The following E2F3 variants were observed in gnomAD, a reference collection of about 807,000 sequenced individuals.
E2F3 encodes E2F transcription factor 3, also known as transcription factor E2F3.
A neutral mutation model predicts 44.4 loss-of-function variants in E2F3; 11 were observed. The observed-to-expected ratio is 0.25, with a 90% CI of 0.16 to 0.41. The LOEUF is 0.41. Ranked by LOEUF, E2F3 falls within the 10% of genes least tolerant of loss-of-function variation. E2F3 has a pLI of 1.00. For missense variants in E2F3, 487 were observed against 583.6 expected (o/e 0.83, Z 1.70); for synonymous variants, 249 against 253.0 (o/e 0.98, Z 0.15).
intron 1 of E2F3, among the ~76,000 whole-genome samples, chr6:20,428,832 C>A (rs1292701676): frequency 5.3e-5 from 8 of 152,120 alleles, no homozygotes. Flanking sequence ...AATTTCGTTG[C>A]AGCTTTTTTT....
At chr6:20,413,855 C>T (rs190183051) in intron 1 of E2F3, among the ~76,000 whole-genome samples, 161 of 152,238 alleles carry the variant, frequency 1.1e-3, no homozygotes, top group African/African-American at 3.2e-3. Context: ...TGTGAAAAGG[C>T]AGGTGGAAGT....
chr6:20,488,982 A>C (rs575440874), intron 6 of E2F3, among the ~76,000 whole-genome samples: 1 of 151,940 alleles, frequency 6.6e-6, no homozygotes, highest in South Asian at 2.1e-4. Flanking sequence ...ACAGAGTGAG[A>C]CTCCATCTCA....
chr6:20,411,444 C>T (rs79743283), intron 1 of E2F3, among the ~76,000 whole-genome samples: 2,802 of 152,250 alleles, frequency 0.018, 87 homozygotes, highest in African/African-American at 0.063. Context: ...TATTCCTACC[C>T]CTTCCCCTTC....
chr6:20,472,751 G>C (rs759428906), intron 1 of E2F3, among the ~76,000 whole-genome samples: 33 of 152,172 alleles, frequency 2.2e-4, no homozygotes, highest in Non-Finnish European at 4.0e-4. Flanking sequence ...CTCAGTGCAA[G>C]CTGGGTGTAA....
At chr6:20,466,268 A>G (rs2127611102) in intron 1 of E2F3, among the ~76,000 whole-genome samples, 1 of 152,202 alleles carries the variant, frequency 6.6e-6, no homozygotes, top group South Asian at 2.1e-4. Flanking sequence ...GCACACCACC[A>G]CGCCCGGCTA....
intron 1 of E2F3, among the ~76,000 whole-genome samples, chr6:20,440,883 T>A (rs1168225776): frequency 6.6e-6 from 1 of 151,620 alleles, no homozygotes; most frequent in Non-Finnish European, 1.5e-5. Flanking sequence ...GGGAAAAGGG[T>A]CAGGAGTAGG....
intron 1 of E2F3, among the ~76,000 whole-genome samples, chr6:20,442,382 G>A (rs1227378314): frequency 6.6e-6 from 1 of 152,152 alleles, no homozygotes; most frequent in African/African-American, 2.4e-5. Flanking sequence ...CCAAAGGAGA[G>A]GCTCCTCACA....
chr6:20,412,272 C>A (rs1455545391), intron 1 of E2F3, among the ~76,000 whole-genome samples: 1 of 152,138 alleles, frequency 6.6e-6, no homozygotes, highest in Non-Finnish European at 1.5e-5. Context: ...TACATTAGGG[C>A]ACACATGTGA....
intron 1 of E2F3, chr6:20,445,118 G>C (rs1447020525): frequency 1.0e-6 from 1 of 985,324 alleles, no homozygotes; most frequent in Non-Finnish European, 1.2e-6. Flanking sequence ...GTCATGGTGA[G>C]TTGGTCTTTT....
intron 1 of E2F3, chr6:20,403,875 G>A: frequency 1.6e-6 from 2 of 1,265,992 alleles, no homozygotes; most frequent in Non-Finnish European, 1.1e-6. Context: ...CGCCGCGGGG[G>A]CACCGGATTC....
chr6:20,432,699 G>T (rs1326438113), intron 1 of E2F3, among the ~76,000 whole-genome samples: 5 of 152,202 alleles, frequency 3.3e-5, no homozygotes, highest in Admixed American at 2.0e-4. Flanking sequence ...AAGGTTAGGG[G>T]AGAGGTGAAC....
intron 1 of E2F3, among the ~76,000 whole-genome samples, chr6:20,463,232 T>C (rs1021424739): frequency 3.3e-5 from 5 of 152,172 alleles, no homozygotes; most frequent in Non-Finnish European, 7.3e-5. Flanking sequence ...CAAATCTCTT[T>C]AAAAGATAAT....
chr6:20,402,690 G>T lies in E2F3; in HGVS notation c.393+65G>T, dbSNP rs2127581520. ...AGGTGGGCTCGCACCGCGCGGGGTCGTGGGCGCGCTGCGGGCCGCTCGGGG... is the reference window on the plus strand; with the variant it reads ...AGGTGGGCTCGCACCGCGCGGGGTCTTGGGCGCGCTGCGGGCCGCTCGGGG... On this transcript the variant is annotated intron_variant, in intron 1 of 6. Transcript: ENST00000346618. The surrounding 1 kb of genome is among the most constrained non-coding windows in gnomAD (Gnocchi z 5.6). 1.6e-6 allele frequency: 2 copies of T among 1,276,144 alleles called. No individual in the cohort carries two copies. Among genetic ancestry groups the T allele is most frequent in the Non-Finnish European group, 2.0e-6 (2 of 1,014,808 alleles). The allele number at this position is 1,276,144 out of a possible 1,614,324, so 79.1% of individuals were successfully genotyped here.
At chr6:20,422,152 T>C (rs1182999882) in intron 1 of E2F3, among the ~76,000 whole-genome samples, 1 of 152,262 alleles carries the variant, frequency 6.6e-6, no homozygotes, top group Non-Finnish European at 1.5e-5. Flanking sequence ...ATCTTCTGAA[T>C]AACTTGCTGC....
intron 1 of E2F3, among the ~76,000 whole-genome samples, chr6:20,411,724 G>A (rs1759679456): frequency 6.6e-6 from 1 of 152,156 alleles, no homozygotes. Flanking sequence ...GGCCCATTGA[G>A]GCCCACATCA....
intron 1 of E2F3, among the ~76,000 whole-genome samples, chr6:20,434,997 G>A (rs911102674): frequency 6.6e-6 from 1 of 152,242 alleles, no homozygotes; most frequent in Non-Finnish European, 1.5e-5. Context: ...TTTGGCGTCA[G>A]CCGTGGATGC....
chr6:20,460,204 T>A (rs1761453002), intron 1 of E2F3, among the ~76,000 whole-genome samples: 2 of 152,374 alleles, frequency 1.3e-5, no homozygotes, highest in South Asian at 4.1e-4. Flanking sequence ...TGTTTGTTTT[T>A]AACATGTGTA....
At chr6:20,489,259 T>C (rs1490303917) in intron 6 of E2F3, among the ~76,000 whole-genome samples, 3 of 152,170 alleles carry the variant, frequency 2.0e-5, no homozygotes, top group Admixed American at 6.5e-5. Flanking sequence ...AGTGGATCTG[T>C]CTTATTGTAT....
At chr6:20,407,882 T>A (rs981631296) in intron 1 of E2F3, among the ~76,000 whole-genome samples, 1 of 152,196 alleles carries the variant, frequency 6.6e-6, no homozygotes, top group Non-Finnish European at 1.5e-5. Flanking sequence ...TTGCCTATGC[T>A]CACCAGATCC....
Sources: gnomAD v4.1 joint callset for allele counts (sites outside exome capture counted in the v4.1 genomes callset) on GRCh38, gnomAD v4.1.1 for gene constraint, Gnocchi (gnomAD v3.1) non-coding constraint, MANE v1.5 for transcripts, NCBI Gene and HGNC (gene_info 2026-07-23, HGNC 2026-07-21) for gene names.